Variants in IMMP2L observed in about 807,000 individuals in gnomAD.
IMMP2L encodes inner mitochondrial membrane peptidase subunit 2.
Under a neutral mutation model 19.3 loss-of-function variants are expected in IMMP2L, and 18 were observed. That is an observed-to-expected ratio of 0.93 (90% CI 0.64 to 1.38). The LOEUF (loss-of-function observed/expected upper bound fraction) is 1.38. IMMP2L is among the 40% of genes most tolerant of loss of function. The pLI is 0.00. For synonymous variants in IMMP2L, 76 were observed against 73.0 expected (o/e 1.04, Z -0.21); for missense variants, 233 against 218.2 (o/e 1.07, Z -0.43).
Position 110,757,682 on chromosome 7 carries a change from T to C in IMMP2L, c.409-93961A>G, listed in dbSNP as rs1798114058. 6.6e-6 allele frequency among the ~76,000 whole-genome samples: 1 copy of C among 152,156 alleles called. No individual in the cohort carries two copies. On this transcript the variant is annotated intron_variant, in intron 5 of 5. Coordinates refer to ENST00000405709, the MANE Select transcript of IMMP2L (RefSeq NM_032549.4). This position sits in a 1 kb window ranked among gnomAD's most constrained non-coding sequence, Gnocchi z 4.2. ...CAGCAGTGGTAACAGCTCTGCTTTA[T>C]CAGGCCTGGGATATGCATATCCTTC...
intron 4 of IMMP2L, among the ~76,000 whole-genome samples, chr7:110,943,193 A>G (rs1816906582): frequency 6.6e-6 from 1 of 152,000 alleles, no homozygotes; most frequent in Admixed American, 6.6e-5. Context: ...GTGCAGGAAA[A>G]TATCATAGGT....
At chr7:110,772,063 C>A (rs931399885) in intron 5 of IMMP2L, among the ~76,000 whole-genome samples, 8 of 152,084 alleles carry the variant, frequency 5.3e-5, no homozygotes, top group African/African-American at 1.9e-4. Context: ...GCATATGAAA[C>A]CCTCCAAAAG....
At chr7:111,511,690 C>T (rs1415181214) in intron 2 of IMMP2L, among the ~76,000 whole-genome samples, 2 of 151,436 alleles carry the variant, frequency 1.3e-5, no homozygotes, top group Non-Finnish European at 2.9e-5. Flanking sequence ...CCTACTCTCT[C>T]TAGCCAAAGG....
chr7:111,481,465 CTA>C (rs1206798608), intron 3 of IMMP2L, among the ~76,000 whole-genome samples: 2 of 152,104 alleles, frequency 1.3e-5, no homozygotes, highest in African/African-American at 4.8e-5. Context: ...GTGTTCTCAT[CTA>C]TAAAACCGGG....
intron 3 of IMMP2L, among the ~76,000 whole-genome samples, chr7:111,326,879 T>C (rs1825371913): frequency 6.6e-6 from 1 of 151,856 alleles, no homozygotes; most frequent in Admixed American, 6.6e-5. Flanking sequence ...TCAAAATAAC[T>C]GAAATCAGGA....
chr7:111,486,753 C>T (rs1037784642), intron 3 of IMMP2L, among the ~76,000 whole-genome samples: 2 of 152,076 alleles, frequency 1.3e-5, no homozygotes, highest in Non-Finnish European at 1.5e-5. Flanking sequence ...GAAACAGTGC[C>T]ACCTTTTGGA....
intron 3 of IMMP2L, among the ~76,000 whole-genome samples, chr7:111,203,636 C>T (rs1052770276): frequency 2.2e-4 from 32 of 144,608 alleles, no homozygotes; most frequent in African/African-American, 8.0e-4. Flanking sequence ...ATTCATGATG[C>T]TACTTGTTCT....
chr7:110,767,908 G>A (rs1054288839), intron 5 of IMMP2L, among the ~76,000 whole-genome samples: 8 of 152,148 alleles, frequency 5.3e-5, no homozygotes, highest in African/African-American at 1.9e-4. Flanking sequence ...CTGGTCCTCT[G>A]CTTAATCTGT....
At chr7:111,214,331 CTTT>C (rs1169450523) in intron 3 of IMMP2L, among the ~76,000 whole-genome samples, 49 of 82,178 alleles carry the variant, frequency 6.0e-4, no homozygotes, top group African/African-American at 2.5e-3. Context: ...AATTTTTCTT[CTTT>C]TTTTTTTTTT....
At chr7:111,538,017 T>C (rs1284954667) in intron 1 of IMMP2L, among the ~76,000 whole-genome samples, 1 of 152,076 alleles carries the variant, frequency 6.6e-6, no homozygotes, top group Non-Finnish European at 1.5e-5. Flanking sequence ...GATGTCACTA[T>C]CAGGAAGTCC....
chr7:111,313,059 A>C (rs1823686170), intron 3 of IMMP2L, among the ~76,000 whole-genome samples: 1 of 152,136 alleles, frequency 6.6e-6, no homozygotes, highest in Non-Finnish European at 1.5e-5. Context: ...GAGCTCCTGG[A>C]AAAACTTCTA....
intron 3 of IMMP2L, among the ~76,000 whole-genome samples, chr7:111,048,238 C>CAAAA (rs575701337): frequency 0.029 from 528 of 18,276 alleles, 21 homozygotes; most frequent in Middle Eastern, 0.056. Context: ...GACTCTGTCT[C>CAAAA]AAAAAAAAAA....
chr7:111,404,379 A>G (rs1490601075), intron 3 of IMMP2L, among the ~76,000 whole-genome samples: 1 of 152,166 alleles, frequency 6.6e-6, no homozygotes, highest in African/African-American at 2.4e-5. Context: ...TCTAGAACAC[A>G]TTATACATAA....
intron 3 of IMMP2L, among the ~76,000 whole-genome samples, chr7:111,116,106 G>A (rs915961482): frequency 1.2e-4 from 18 of 152,180 alleles, no homozygotes. Flanking sequence ...ACTCAGGAGA[G>A]AGAATTGTGC....
At chr7:110,995,224 A>G (rs974721090) in intron 3 of IMMP2L, among the ~76,000 whole-genome samples, 2 of 152,130 alleles carry the variant, frequency 1.3e-5, no homozygotes, top group East Asian at 1.9e-4. Context: ...CGTTAAAGTG[A>G]AGAAATAGAA....
At chr7:111,004,970 A>G (rs1824137195) in intron 3 of IMMP2L, among the ~76,000 whole-genome samples, 1 of 152,170 alleles carries the variant, frequency 6.6e-6, no homozygotes, top group Non-Finnish European at 1.5e-5. Flanking sequence ...ATCTAATTCA[A>G]TCTGTCCCAG....
At chr7:111,276,546 T>C (rs73422068) in intron 3 of IMMP2L, among the ~76,000 whole-genome samples, 3,915 of 151,160 alleles carry the variant, frequency 0.026, 168 homozygotes, top group African/African-American at 0.09. Context: ...TATTATTTGG[T>C]AGAATTCAGC....
At chr7:111,036,205 G>A (rs183093992) in intron 3 of IMMP2L, among the ~76,000 whole-genome samples, 211 of 152,004 alleles carry the variant, frequency 1.4e-3, no homozygotes, top group Non-Finnish European at 2.5e-3. Flanking sequence ...TTATAATACC[G>A]TTTCCTTTAA....
chr7:111,084,430 T>A (rs554005266), intron 3 of IMMP2L, among the ~76,000 whole-genome samples: 2 of 150,994 alleles, frequency 1.3e-5, no homozygotes, highest in African/African-American at 2.4e-5. Flanking sequence ...TACCAGACAA[T>A]TGGAGGGAAG....
Sources: allele counts gnomAD v4.1 joint callset (sites outside exome capture counted in the v4.1 genomes callset), GRCh38; gene constraint gnomAD v4.1.1; non-coding constraint Gnocchi (gnomAD v3.1); transcripts MANE v1.5; gene names NCBI Gene and HGNC (gene_info 2026-07-23, HGNC 2026-07-21).